The following APOB variants were observed in gnomAD, a reference collection of about 807,000 sequenced individuals.
APOB encodes the protein apolipoprotein B.
APOB carries 153 observed loss-of-function variants against 314.1 expected under a neutral mutation model. The ratio of observed to expected loss-of-function variants is 0.49; its 90% confidence interval spans 0.43 to 0.56. The LOEUF (loss-of-function observed/expected upper bound fraction) is 0.56. APOB is among the 20% of genes least tolerant of loss of function. The pLI is 0.00. For missense variants in APOB, 5,430 were observed against 5,350.7 expected, an observed-to-expected ratio of 1.01 and a Z score of -0.46; for synonymous variants, 2,087 against 2,036.4, an observed-to-expected ratio of 1.02 and a Z score of -0.67.
Position 21,002,040 on chromosome 2 carries a change from T to G in APOB, c.13382A>C (p.Lys4461Thr). ...AAGCTCTGCAATCTTCTCTTTCCCT[T>G]TTCCATCTGGATCGGTAAGGATGCT... ...YLSILTDPDG[K>T]GKEKIAELSA... The change falls in exon 29 of 29, where the codon AAA (lysine) becomes ACA (threonine). Residue 4461 changes from lysine (K) to threonine (T), a missense_variant. Lys to Thr is a moderately conservative substitution (Grantham distance 78). Around this residue, in one of 3 missense-constraint regions of APOB, gnomAD observed 3,281 missense variants for 3,171.0 expected, o/e 1.03. Transcript: ENST00000233242. 6.2e-7 allele frequency: 1 copy of G among 1,614,026 alleles called. No homozygotes were observed. The highest frequency in any genetic ancestry group is 8.5e-7 in the Non-Finnish European group (1 of 1,179,974).
chr2:21,011,379 G>C lies in APOB; in HGVS notation c.5489C>G (p.Ala1830Gly). ...KLHVAGNLKGAYQNNEIKHIY... is the reference protein window; with the variant it reads ...KLHVAGNLKGGYQNNEIKHIY... ...GTGTTTTATTTCATTATTTTGGTAGGCTCCTTTTAGGTTACCAGCCACATG... is the reference window on the plus strand; with the variant it reads ...GTGTTTTATTTCATTATTTTGGTAGCCTCCTTTTAGGTTACCAGCCACATG... Residue 1830 changes from alanine to glycine, a missense_variant, in exon 26 of 29, where the codon GCC becomes GGC. Physicochemically the swap from Ala to Gly is moderately conservative, Grantham distance 60 (BLOSUM62 0). Around this residue, in one of 3 missense-constraint regions of APOB, gnomAD observed 64 missense variants for 99.9 expected, o/e 0.64. Transcript: ENST00000233242. 6.2e-7 allele frequency: 1 copy of C among 1,614,062 alleles called. No individual in the cohort carries two copies.
chr2:21,013,716 C>T (rs999598878), intron 24 of APOB, among the ~76,000 whole-genome samples, 183 bp from the exon 25 acceptor site: 6 of 152,158 alleles, frequency 3.9e-5, no homozygotes, highest in Non-Finnish European at 8.8e-5. Flanking sequence ...ACACTCAAAT[C>T]CTGACAAAGC....
chr2:21,034,313 G>A (rs1663950719), intron 8 of APOB, among the ~76,000 whole-genome samples: 1 of 152,190 alleles, frequency 6.6e-6, no homozygotes, highest in Non-Finnish European at 1.5e-5. Flanking sequence ...TCTACCACCT[G>A]ACATCACAGG....
Position 21,015,407 on chromosome 2 carries a change from A to G in APOB, c.3471T>C (p.Tyr1157=), listed in dbSNP as rs201128198. The change falls in exon 22 of 29, where the codon TAT becomes TAC. Residue 1157 remains tyrosine, a synonymous_variant. Transcript: ENST00000233242. ...LLQMDSSATA[Y]GSTVSKRVAW... The stretch of plus-strand genomic sequence containing the variant: ...CCACCCTCTTGGAAACTGTGGAGCC[A>G]TAAGCTGTAGCAGATGAGTCCATTT... 169 of 1,614,258 alleles carry G rather than the reference A, an allele frequency of 1.0e-4. No individual in the cohort carries two copies. In the East Asian group the frequency reaches 3.5e-3, roughly 33 times the overall value.
chr2:21,014,740 A>G, intron 23 of APOB, 147 bp from the exon 24 acceptor site: 1 of 837,754 alleles, frequency 1.2e-6, no homozygotes, highest in Non-Finnish European at 1.9e-6. Flanking sequence ...GAAAATTATG[A>G]ATCTTCGTTG....
Position 21,012,050 on chromosome 2 carries a change from G to A in APOB, c.4818C>T (p.Tyr1606=), listed in dbSNP as rs564437453. 38 of 1,614,170 alleles carry A rather than the reference G, an allele frequency of 2.4e-5. No homozygotes were observed. Among genetic ancestry groups the A allele is most frequent in the Middle Eastern group, 1.6e-4 (1 of 6,062 alleles). ...ALLRSEYQAD[Y]ESLRFFSLLS... ...GCAGGCTGAAGAACCTCAATGACTCGTAATCAGCCTGATATTCAGAACGCA... is the reference window on the plus strand; with the variant it reads ...GCAGGCTGAAGAACCTCAATGACTCATAATCAGCCTGATATTCAGAACGCA... The change falls in exon 26 of 29, where the codon TAC becomes TAT. Residue 1606 remains tyrosine, a synonymous_variant. Transcript: ENST00000233242.
rs781645624 is a variant in APOB, at chr2:21,007,692, C to T, written c.9176G>A (p.Arg3059His). The T allele has an allele frequency of 1.5e-5, 25 of 1,613,932 alleles. No individual in the cohort carries two copies. The highest frequency in any genetic ancestry group is 2.7e-5 in the African/African-American group (2 of 74,922). The change falls in exon 26 of 29, where the codon CGT becomes CAT. Residue 3059 changes from arginine to histidine, a missense_variant. Arg to His is a conservative substitution (Grantham distance 29). Around this residue, in one of 3 missense-constraint regions of APOB, gnomAD observed 3,281 missense variants for 3,171.0 expected, o/e 1.03. Coordinates refer to ENST00000233242, the MANE Select transcript of APOB (RefSeq NM_000384.3). ...STNNEGNLKVRFPLRLTGKID... is the reference protein window; with the variant it reads ...STNNEGNLKVHFPLRLTGKID... The stretch of plus-strand genomic sequence containing the variant: ...CTTCCCTGTTAACCTTAATGGAAAA[C>T]GAACTTTCAAATTCCCTTCATTGTT...
rs1173547996 is a variant in APOB, at chr2:21,005,211, C to A, written c.11657G>T (p.Arg3886Leu). 2.5e-6 allele frequency: 4 copies of A among 1,614,050 alleles called. No homozygotes were observed. Among genetic ancestry groups the A allele is most frequent in the Non-Finnish European group, 3.4e-6 (4 of 1,179,948 alleles). ...VIPSFQALTA[R>L]FEVDSPVYNA... ...ATACACGGGAGAGTCTACCTCAAAGCGTGCAGTCAGTGCTTGAAAGGAAGG... is the reference window on the plus strand; with the variant it reads ...ATACACGGGAGAGTCTACCTCAAAGAGTGCAGTCAGTGCTTGAAAGGAAGG... Residue 3886 changes from arginine (R) to leucine (L), a missense_variant, in exon 26 of 29, where the codon CGC becomes CTC. Physicochemically the swap from Arg to Leu is moderately radical, Grantham distance 102 (BLOSUM62 -2). Coordinates refer to ENST00000233242, the MANE Select transcript of APOB (RefSeq NM_000384.3).
At position 21,009,728 on chromosome 2, in the gene APOB, G is replaced by A. The variant is rs768129683; in HGVS notation, c.7140C>T (p.Val2380=). 13 of 1,613,672 alleles carry A rather than the reference G, an allele frequency of 8.1e-6. No homozygotes were observed. The highest frequency in any genetic ancestry group is 1.6e-4 in the Middle Eastern group (1 of 6,080). The change falls in exon 26 of 29, where the codon GTC becomes GTT. Residue 2380 remains valine (V), a synonymous_variant. Transcript: ENST00000233242. ...AATCTTTTATCTTAACTTGTTGTAG[G>A]ACATTGCTTAGCTTCTGAATAGTCT... The part of the protein sequence containing the change: ...LKETIQKLSN[V]LQQVKIKDYF...
intron 8 of APOB, 75 bp downstream of exon 8, chr2:21,034,741 C>T (rs1663958013): frequency 2.3e-6 from 2 of 856,352 alleles, no homozygotes; most frequent in Non-Finnish European, 4.1e-6. Context: ...TTTAACAGGG[C>T]TCAGCAAGTG....
rs1341726384 is a variant in APOB at position 21,022,820 on chromosome 2, G to C, written c.2816+11C>G. 1 of 1,613,452 alleles carries C rather than the reference G, an allele frequency of 6.2e-7. No individual in the cohort carries two copies. Among genetic ancestry groups the C allele is most frequent in the Non-Finnish European group, 8.5e-7 (1 of 1,179,624 alleles). On this transcript the variant is annotated intron_variant, in intron 18 of 28. Coordinates refer to ENST00000233242, the MANE Select transcript of APOB (RefSeq NM_000384.3). ...TCAAACTGGCTAGGCAGACTTGGCT[G>C]AAAGAATTACCCTCCACTGAGCAGC...
At chr2:21,018,633 A>G (rs12713956) in intron 20 of APOB, among the ~76,000 whole-genome samples, 20,476 of 151,990 alleles carry the variant, frequency 0.13, 1,546 homozygotes, top group African/African-American at 0.19. Context: ...TATTATTCCA[A>G]ATGCACTGCT....
rs762719345 is a variant in APOB, at chr2:21,006,457, A to G, written c.10411T>C (p.Ser3471Pro). The G allele has an allele frequency of 6.2e-7, 1 of 1,614,146 alleles. No homozygotes were observed. The highest frequency in any genetic ancestry group is 1.1e-5 in the South Asian group (1 of 91,086). Residue 3471 changes from serine (S) to proline (P), a missense_variant, in exon 26 of 29, where the codon TCT (serine) becomes CCT (proline). Ser to Pro is a moderately conservative substitution (Grantham distance 74). Coordinates refer to ENST00000233242, the MANE Select transcript of APOB (RefSeq NM_000384.3). ...TGGTCAACTGCTCCTTTAGCGGTAG[A>G]GTACAGCATTGAAGAATTGAAATCA... The part of the protein sequence containing the change: ...KYDFNSSMLY[S>P]TAKGAVDHKL...
rs1572782382 is a variant in APOB, at chr2:21,009,598, T to C, written c.7270A>G (p.Ile2424Val). The C allele has an allele frequency of 1.9e-6, 3 of 1,613,836 alleles. No homozygotes were observed. The South Asian group carries it at 3.3e-5, about 18-fold the overall frequency. Residue 2424 changes from isoleucine to valine, a missense_variant, in exon 26 of 29, where the codon ATA becomes GTA. Physicochemically the swap from Ile to Val is conservative, Grantham distance 29. Around this residue, in one of 3 missense-constraint regions of APOB, gnomAD observed 3,281 missense variants for 3,171.0 expected, o/e 1.03. Coordinates refer to ENST00000233242, the MANE Select transcript of APOB (RefSeq NM_000384.3). ...EDVNKFLDML[I>V]KKLKSFDYHQ... ...TAATCAAATGACTTTAATTTCTTTA[T>C]CAACATGTCAAGGAATTTGTTAACA...
chr2:21,003,100 G>A lies in APOB; in HGVS notation c.12322C>T (p.Leu4108=). 6.3e-7 allele frequency: 1 copy of A among 1,597,770 alleles called. No individual in the cohort carries two copies. The highest frequency in any genetic ancestry group is 2.2e-5 in the East Asian group (1 of 44,608). The change falls in exon 29 of 29, where the codon CTG becomes TTG. Residue 4108 remains leucine, a synonymous_variant. Transcript: ENST00000233242. ...TAAACCCACTCAGCATTGTTCTGCA[G>A]ATTTCTTCTCAGCTTTGAAGACACT... ...REVSSKLRRN[L]QNNAEWVYQG... is the part of the protein sequence containing the mutation.
chr2:21,008,940 G>T lies in APOB; in HGVS notation c.7928C>A (p.Ser2643Tyr). 1 of 1,614,036 alleles carries T rather than the reference G, an allele frequency of 6.2e-7. No individual in the cohort carries two copies. The highest frequency in any genetic ancestry group is 8.5e-7 in the Non-Finnish European group (1 of 1,179,942). Reference protein sequence around the residue: ...FKDLKNIKIPSRFSTPEFTIL... With the variant: ...FKDLKNIKIPYRFSTPEFTIL... Reference sequence around the variant, plus strand: ...GGTAAATTCTGGTGTGGAAAACCTGGATGGGATTTTTATATTTTTTAAGTC... The same window carrying T: ...GGTAAATTCTGGTGTGGAAAACCTGTATGGGATTTTTATATTTTTTAAGTC... The change falls in exon 26 of 29, where the codon TCC becomes TAC. Residue 2643 changes from serine to tyrosine, a missense_variant. Ser to Tyr is a moderately radical substitution (Grantham distance 144, BLOSUM62 -2). This residue lies in a region of APOB where 3,281 missense variants were observed against 3,171.0 expected (regional missense o/e 1.03). Coordinates refer to ENST00000233242, the MANE Select transcript of APOB (RefSeq NM_000384.3).
chr2:21,034,972 C>T, intron 7 of APOB, 71 bp from the exon 8 acceptor site: 1 of 846,720 alleles, frequency 1.2e-6, no homozygotes, highest in Non-Finnish European at 2.1e-6. Context: ...TGAAGGTTTT[C>T]CCTGTCTCTG....
Position 21,035,699 on chromosome 2 carries a change from A to G in APOB, c.703T>C (p.Leu235=), listed in dbSNP as rs1330324619. ...TGGCTGCTGCTGATCAGAGTTGACA[A>G]GGGGCGGGTCTATGAAAGAGATTGG... ...LALIKGMTRP[L]STLISSSQSC... Residue 235 remains leucine, a synonymous_variant, in exon 7 of 29, where the codon TTG becomes CTG. Coordinates refer to ENST00000233242, the MANE Select transcript of APOB (RefSeq NM_000384.3). 4 of 1,613,964 alleles carry G rather than the reference A, an allele frequency of 2.5e-6. No homozygotes were observed. The highest frequency in any genetic ancestry group is 3.4e-6 in the Non-Finnish European group (4 of 1,180,020).
intron 13 of APOB, 92 bp from the exon 14 acceptor site, chr2:21,028,157 C>T: frequency 5.1e-6 from 6 of 1,187,348 alleles, no homozygotes; most frequent in Non-Finnish European, 7.6e-6. Flanking sequence ...CCAATCACTA[C>T]CAAAATGTCT....
Sources: gnomAD v4.1 joint callset for allele counts (sites outside exome capture counted in the v4.1 genomes callset) on GRCh38, gnomAD v4.1.1 for gene constraint, gnomAD v4.1.1 regional missense constraint, MANE v1.5 for transcripts, NCBI Gene and HGNC (gene_info 2026-07-23, HGNC 2026-07-21) for gene names.